SCAI: variants seen among roughly 807,000 people sequenced by gnomAD.
SCAI encodes the protein protein SCAI.
Under a neutral mutation model 92.2 loss-of-function variants are expected in SCAI, and 24 were observed. The observed-to-expected ratio is 0.26, with a 90% CI of 0.19 to 0.37. The LOEUF (loss-of-function observed/expected upper bound fraction) is 0.37, where lower values mean the gene tolerates loss of function less well. SCAI is among the 10% of genes least tolerant of loss of function. SCAI has a pLI of 1.00. For synonymous variants in SCAI, 261 were observed against 258.6 expected (o/e 1.01, Z -0.09); for missense variants, 450 against 736.2 (o/e 0.61, Z 4.50).
intron 9 of SCAI, among the ~76,000 whole-genome samples, chr9:125,007,483 G>GT (rs1282918666): frequency 6.6e-6 from 1 of 152,050 alleles, no homozygotes; most frequent in Non-Finnish European, 1.5e-5. Flanking sequence ...GAGGCCAGGA[G>GT]TTTGAGACCA....
intron 3 of SCAI, among the ~76,000 whole-genome samples, chr9:125,047,220 TAGA>T (rs1243677154): frequency 6.6e-6 from 1 of 152,118 alleles, no homozygotes; most frequent in South Asian, 2.1e-4. Flanking sequence ...GTTGCGTCCT[TAGA>T]AGAAGACATT....
Position 125,008,816 on chromosome 9 carries a change from T to C in SCAI, c.862-5246A>G, listed in dbSNP as rs78180871. Among the ~76,000 whole-genome samples the C allele has an allele frequency of 6.6e-5, 10 of 152,082 alleles. No individual in the cohort carries two copies. In the East Asian group the frequency reaches 1.7e-3, roughly 26 times the overall value. On this transcript the variant is annotated intron_variant, in intron 9 of 17. Coordinates refer to ENST00000336505, the MANE Select transcript of SCAI (RefSeq NM_001144877.3). ...GAGACATAATAACCATATTTCAAAA[T>C]AGATGAAAGACATAAACCCATAGAT...
At chr9:125,112,810 G>A (rs559845397) in intron 2 of SCAI, among the ~76,000 whole-genome samples, 2 of 152,254 alleles carry the variant, frequency 1.3e-5, no homozygotes, top group Non-Finnish European at 2.9e-5. Context: ...GCCAGAAAGG[G>A]AAGGAAATAC....
chr9:125,128,772 T>C (rs934494729), intron 2 of SCAI, among the ~76,000 whole-genome samples: 4 of 149,060 alleles, frequency 2.7e-5, no homozygotes, highest in African/African-American at 9.9e-5. Context: ...AAATAAATAA[T>C]TGAATTCAGG....
intron 2 of SCAI, among the ~76,000 whole-genome samples, chr9:125,111,974 T>C (rs1266038627): frequency 2.0e-5 from 3 of 152,136 alleles, no homozygotes; most frequent in Admixed American, 1.3e-4. Context: ...CGCCAAGTAC[T>C]GATAAGCCCA....
At chr9:125,109,386 AGAC>A (rs1305471108) in intron 2 of SCAI, among the ~76,000 whole-genome samples, 1 of 151,892 alleles carries the variant, frequency 6.6e-6, no homozygotes, top group Admixed American at 6.5e-5. Context: ...TAATAATAAA[AGAC>A]AGGTCTCTGG....
chr9:125,142,755 G>A (rs1835698155), intron 1 of SCAI, 78 bp from the exon 2 acceptor site: 2 of 1,241,980 alleles, frequency 1.6e-6, no homozygotes, highest in Admixed American at 1.7e-5. Context: ...TGCCAGTCAA[G>A]AACTAAATAG....
intron 13 of SCAI, among the ~76,000 whole-genome samples, chr9:124,999,152 G>T (rs1227883710): frequency 6.6e-6 from 1 of 151,704 alleles, no homozygotes; most frequent in Non-Finnish European, 1.5e-5. Context: ...ACTTTGGGAG[G>T]CCGGGGCAGG....
chr9:125,131,548 C>T (rs1262337592), intron 2 of SCAI, among the ~76,000 whole-genome samples: 3 of 152,156 alleles, frequency 2.0e-5, no homozygotes, highest in Admixed American at 6.5e-5. Context: ...TCCCACAGGA[C>T]CTATGAGCTC....
chr9:125,072,008 G>A (rs375796241), intron 2 of SCAI, among the ~76,000 whole-genome samples: 18 of 151,072 alleles, frequency 1.2e-4, no homozygotes, highest in Non-Finnish European at 1.8e-4. Context: ...GAGGGCAAGA[G>A]ACAGGGGATA....
intron 3 of SCAI, among the ~76,000 whole-genome samples, chr9:125,033,175 G>GC (rs1047998608): frequency 1.1e-4 from 16 of 151,778 alleles, no homozygotes; most frequent in Admixed American, 7.9e-4. Flanking sequence ...TTCAGCCTGG[G>GC]CAACACAGCA....
intron 9 of SCAI, among the ~76,000 whole-genome samples, chr9:125,008,097 G>A (rs776730925): frequency 1.9e-4 from 29 of 151,494 alleles, no homozygotes; most frequent in Non-Finnish European, 3.1e-4. Context: ...CGCCCGCCTC[G>A]GCCTCCCAAA....
chr9:124,978,677 G>GT (rs950752317), intron 14 of SCAI, among the ~76,000 whole-genome samples: 6 of 151,990 alleles, frequency 3.9e-5, no homozygotes, highest in African/African-American at 1.5e-4. Context: ...ATAAAATAAC[G>GT]TAAGTATTAA....
At position 125,128,491 on chromosome 9, in the gene SCAI, C is replaced by T. The variant is rs373596439; in HGVS notation, c.98+14142G>A. On this transcript the variant is annotated intron_variant, in intron 2 of 17. Coordinates refer to ENST00000336505, the MANE Select transcript of SCAI (RefSeq NM_001144877.3). ...AAAAATGGCCAGGCGCTGTGGCTCA[C>T]GCCTGTAATCCCAGCACTTTGGGAG... Among the ~76,000 whole-genome samples, 21 of 152,092 alleles carry T rather than the reference C, an allele frequency of 1.4e-4. No homozygotes were observed. The East Asian group carries it at 3.9e-3, about 28-fold the overall frequency.
intron 5 of SCAI, among the ~76,000 whole-genome samples, chr9:125,027,774 A>G (rs566199342): frequency 6.6e-6 from 1 of 152,184 alleles, no homozygotes; most frequent in Middle Eastern, 3.2e-3. Flanking sequence ...TTGGCCTCCC[A>G]AAGTCCTAGG....
At chr9:125,048,333 G>A (rs968740916) in intron 3 of SCAI, among the ~76,000 whole-genome samples, 1 of 152,128 alleles carries the variant, frequency 6.6e-6, no homozygotes, top group Admixed American at 6.6e-5. Context: ...GTACTCTGGT[G>A]GCAGTCTACC....
chr9:125,143,081 C>T (rs1835707433), intron 1 of SCAI, among the ~76,000 whole-genome samples: 1 of 150,990 alleles, frequency 6.6e-6, no homozygotes, highest in South Asian at 2.1e-4. Context: ...TCTCCGGGCC[C>T]GGCGACCCCC....
At chr9:125,037,021 C>A (rs759759445) in intron 3 of SCAI, among the ~76,000 whole-genome samples, 1 of 152,160 alleles carries the variant, frequency 6.6e-6, no homozygotes, top group Non-Finnish European at 1.5e-5. Context: ...GTAATCCCAG[C>A]ACTTTGGGAG....
chr9:125,036,659 A>G (rs1230581341), intron 3 of SCAI, among the ~76,000 whole-genome samples: 1 of 152,256 alleles, frequency 6.6e-6, no homozygotes, highest in Non-Finnish European at 1.5e-5. Flanking sequence ...TATACATAGT[A>G]TAAAATTCAA....
Sources: gnomAD v4.1 joint callset for allele counts (sites outside exome capture counted in the v4.1 genomes callset) on GRCh38, gnomAD v4.1.1 for gene constraint, MANE v1.5 for transcripts, NCBI Gene and HGNC (gene_info 2026-07-23, HGNC 2026-07-21) for gene names.